Variants in METTL23 observed in about 807,000 individuals in gnomAD.
The protein encoded by METTL23 is histone-arginine methyltransferase METTL23.
A neutral mutation model predicts 21.2 loss-of-function variants in METTL23; 24 were observed. The observed-to-expected ratio is 1.13, with a 90% CI of 0.82 to 1.59. The LOEUF is 1.59. Among genes scored for constraint, METTL23 ranks in the 40% most tolerant of loss-of-function variants. The pLI is 0.00. For missense variants in METTL23, 276 were observed against 221.4 expected (o/e 1.25, Z -1.57); for synonymous variants, 97 against 75.2 (o/e 1.29, Z -1.50).
chr17:76,727,821 C>G (rs928742425), intron 1 of METTL23, among the ~76,000 whole-genome samples: 1 of 152,200 alleles, frequency 6.6e-6, no homozygotes, highest in African/African-American at 2.4e-5. Flanking sequence ...ACCTCCAACT[C>G]CCGGATTCAA....
chr17:76,733,021 G>C lies in METTL23; in HGVS notation c.128G>C (p.Cys43Ser). The C allele has an allele frequency of 6.3e-7, 1 of 1,594,990 alleles. No individual in the cohort carries two copies. Among genetic ancestry groups the C allele is most frequent in the Non-Finnish European group, 8.5e-7 (1 of 1,169,768 alleles). Residue 43 changes from cysteine to serine, a missense_variant, in exon 3 of 5, where the codon TGT becomes TCT. Cys to Ser is a moderately radical substitution (Grantham distance 112). Coordinates refer to ENST00000341249, the MANE Select transcript of METTL23 (RefSeq NM_001080510.5). ...CTTCCAGGAATTTTGGCTGCCAAAT[G>C]TGGTGCAGAAGTAATACTGTCAGAC... ...VSLPGILAAK[C>S]GAEVILSDSS...
At position 76,726,883 on chromosome 17, in the gene METTL23, A is replaced by C; in HGVS notation, c.-317A>C. 2.3e-6 allele frequency: 1 copy of C among 440,762 alleles called. No individual in the cohort carries two copies. The highest frequency in any genetic ancestry group is 1.6e-5 in the South Asian group (1 of 63,824). The allele number at this position is 440,762 out of a possible 1,614,324, so 27.3% of individuals were successfully genotyped here. On this transcript the variant is annotated 5_prime_UTR_variant, in exon 1 of 5. Transcript: ENST00000341249. ...GCCCGTTGCCAGTTCTGCGCGTGTG[A>C]GTCTCTTTCGCCTTGCTCCGGGCTT...
upstream of METTL23, chr17:76,726,474 A>T: frequency 6.3e-7 from 1 of 1,592,588 alleles, no homozygotes; most frequent in Non-Finnish European, 8.5e-7. Context: ...CTTGTGGTTC[A>T]TTCTGCGGGG....
At chr17:76,726,679 C>T (rs1466393036), upstream of METTL23, 1 of 658,030 alleles carries the variant, frequency 1.5e-6, no homozygotes, top group Non-Finnish European at 2.5e-6. Context: ...CCGCCGTCTT[C>T]CCCGCCCCGA....
Position 76,729,782 on chromosome 17 carries a change from G to A in METTL23, c.72G>A (p.Lys24=), listed in dbSNP as rs1156840786. The change falls in exon 2 of 5, where the codon AAG becomes AAA. Residue 24 remains lysine (K), a synonymous_variant. Transcript: ENST00000341249. ...TTCACAGAAGATCTCTGCCAGGCAAGGCCATCTTAGAGGTACAAATGCCCC... is the reference window on the plus strand; with the variant it reads ...TTCACAGAAGATCTCTGCCAGGCAAAGCCATCTTAGAGGTACAAATGCCCC... ...LWFHRRSLPG[K]AILEIGAGVS... 1 of 1,590,758 alleles carries A rather than the reference G, an allele frequency of 6.3e-7. No individual in the cohort carries two copies. The highest frequency in any genetic ancestry group is 2.3e-5 in the East Asian group (1 of 44,346).
At chr17:76,726,056 C>T (rs969321058), upstream of METTL23, among the ~76,000 whole-genome samples, 4 of 152,186 alleles carry the variant, frequency 2.6e-5, no homozygotes, top group Non-Finnish European at 4.4e-5. Context: ...CAGCCAGGTC[C>T]CCTAGGGGAC....
intron 2 of METTL23, among the ~76,000 whole-genome samples, chr17:76,730,449 A>G (rs1019025730): frequency 2.6e-5 from 4 of 152,180 alleles, no homozygotes; most frequent in Non-Finnish European, 5.9e-5. Flanking sequence ...AGAAAAAAGA[A>G]AAGTGTGACA....
upstream of METTL23, chr17:76,726,219 C>A: frequency 7.9e-7 from 1 of 1,272,876 alleles, no homozygotes; most frequent in Non-Finnish European, 1.0e-6. Context: ...CCAAACTCCG[C>A]GGGGTGCGGG....
chr17:76,729,178 C>T (rs1170295692), intron 1 of METTL23, among the ~76,000 whole-genome samples: 1 of 151,830 alleles, frequency 6.6e-6, no homozygotes, highest in Non-Finnish European at 1.5e-5. Context: ...GCAACCTCCG[C>T]CTCCCGTGTT....
intron 2 of METTL23, chr17:76,732,769 C>T (rs1463835570): frequency 1.7e-6 from 1 of 590,840 alleles, no homozygotes; most frequent in Non-Finnish European, 3.0e-6. Context: ...GAAGGTTAAG[C>T]TTTTACCTTT....
rs2077302950 is a variant in METTL23 at position 76,733,143 on chromosome 17, A to ATATC, written c.252_255dup (p.Trp86IlefsTer17). ...GGTGGTAGGACTAACATGGGGTCATATATCTTGGGATCTTCTGGCTCTACC... is the reference window on the plus strand; with the variant it reads ...GGTGGTAGGACTAACATGGGGTCATATATCTATCTTGGGATCTTCTGGCTCTACC... On this transcript the variant is annotated frameshift_variant, in exon 3 of 5. Coordinates refer to ENST00000341249, the MANE Select transcript of METTL23 (RefSeq NM_001080510.5). LOFTEE classifies it high-confidence loss of function. 2 of 1,613,914 alleles carry ATATC rather than the reference A, an allele frequency of 1.2e-6. No homozygotes were observed. The highest frequency in any genetic ancestry group is 1.7e-6 in the Non-Finnish European group (2 of 1,179,866).
rs1336788744 is a variant in METTL23, at chr17:76,733,227, T to C, written c.322+12T>C. 7 of 1,613,172 alleles carry C rather than the reference T, an allele frequency of 4.3e-6. No homozygotes were observed. The highest frequency in any genetic ancestry group is 1.3e-5 in the African/African-American group (1 of 74,932). On this transcript the variant is annotated intron_variant, in intron 3 of 4. Transcript: ENST00000341249. ...CTTTGAACCAGAAGGTAAGCTTTTT[T>C]GGCTCAATAGTACATTTGGCCAGTG...
chr17:76,727,021 G>C lies in METTL23; in HGVS notation c.-179G>C, dbSNP rs536406178. On this transcript the variant is annotated 5_prime_UTR_variant, in exon 1 of 5. Transcript: ENST00000341249. ...TCCCGCTCGCGCAGTCTGGCAGCCC[G>C]GAGCCTTCCGCGGTCCCCCGCCCGC... The C allele has an allele frequency of 1.3e-5, 6 of 455,420 alleles. 1 individual carries two copies. In the Middle Eastern group the frequency reaches 1.0e-3, roughly 79 times the overall value. 28.2% of individuals were successfully genotyped at this position (455,420 alleles called of 1,614,324 possible). A position where few individuals can be genotyped will look rare whatever the true frequency, so the allele number is the denominator to read the frequency against.
intron 2 of METTL23, among the ~76,000 whole-genome samples, chr17:76,731,106 C>CAA (rs999584690): frequency 7.2e-6 from 1 of 138,146 alleles, no homozygotes; most frequent in African/African-American, 2.7e-5. Flanking sequence ...GACTCCATCT[C>CAA]AAAAAAAAAA....
intron 2 of METTL23, among the ~76,000 whole-genome samples, chr17:76,730,503 G>A (rs978726389): frequency 6.6e-6 from 1 of 152,134 alleles, no homozygotes; most frequent in African/African-American, 2.4e-5. Flanking sequence ...TGACTCTCTA[G>A]CCCTTTAGTT....
Position 76,726,893 on chromosome 17 carries a change from G to C in METTL23, c.-307G>C, listed in dbSNP as rs1317313337. 1 of 451,554 alleles carries C rather than the reference G, an allele frequency of 2.2e-6. No individual in the cohort carries two copies. The highest frequency in any genetic ancestry group is 4.5e-6 in the Non-Finnish European group (1 of 223,024). The allele number at this position is 451,554 out of a possible 1,614,324, so 28.0% of individuals were successfully genotyped here. ...AGTTCTGCGCGTGTGAGTCTCTTTC[G>C]CCTTGCTCCGGGCTTTCTTCGCTCG... On this transcript the variant is annotated 5_prime_UTR_variant, in exon 1 of 5. Transcript: ENST00000341249.
At chr17:76,727,845 C>T (rs1406685396) in intron 1 of METTL23, among the ~76,000 whole-genome samples, 2 of 152,270 alleles carry the variant, frequency 1.3e-5, no homozygotes, top group Non-Finnish European at 2.9e-5. Context: ...ATCCTCCCGC[C>T]TGCCTAAGTG....
At chr17:76,730,042 A>G (rs189220721) in intron 2 of METTL23, among the ~76,000 whole-genome samples, 3 of 152,300 alleles carry the variant, frequency 2.0e-5, no homozygotes, top group Admixed American at 2.0e-4. Flanking sequence ...CTGTAATCCC[A>G]GCATTTTGGG....
rs762667090 is a variant in METTL23, at chr17:76,733,191, T to G, written c.298T>G (p.Ser100Ala). The change falls in exon 3 of 5, where the codon TCT (serine) becomes GCT (alanine). Residue 100 changes from serine to alanine, a missense_variant. Physicochemically the swap from Ser to Ala is moderately conservative, Grantham distance 99. Transcript: ENST00000341249. ...ACCACCACAAGATATTATCCTTGCA[T>G]CTGATGTGTTCTTTGAACCAGAAGG... ...ALPPQDIILA[S>A]DVFFEPEDFE... The G allele has an allele frequency of 6.2e-7, 1 of 1,613,892 alleles. No homozygotes were observed. Among genetic ancestry groups the G allele is most frequent in the East Asian group, 2.2e-5 (1 of 44,894 alleles).
Sources: gnomAD v4.1 joint callset for allele counts (sites outside exome capture counted in the v4.1 genomes callset) on GRCh38, gnomAD v4.1.1 for gene constraint, MANE v1.5 for transcripts, NCBI Gene and HGNC (gene_info 2026-07-23, HGNC 2026-07-21) for gene names.